ZBTB46: variants seen among roughly 807,000 people sequenced by gnomAD.
The protein encoded by ZBTB46 is zinc finger and BTB domain-containing protein 46.
A neutral mutation model predicts 44.1 loss-of-function variants in ZBTB46; 8 were observed. The ratio of observed to expected loss-of-function variants is 0.18; its 90% CI spans 0.11 to 0.33. ZBTB46 has a LOEUF of 0.33. Ranked by LOEUF, ZBTB46 falls within the 10% of genes least tolerant of loss-of-function variation. The probability of loss-of-function intolerance (pLI) is 1.00; values close to 1 mark genes in which losing one functional copy is unlikely to be tolerated. For missense variants in ZBTB46, 651 were observed against 847.7 expected (o/e 0.77, Z 2.88); for synonymous variants, 409 against 382.3 (o/e 1.07, Z -0.81).
At chr20:63,819,626 G>C (rs952253757) in intron 1 of ZBTB46, among the ~76,000 whole-genome samples, 10 of 152,210 alleles carry the variant, frequency 6.6e-5, no homozygotes, top group Non-Finnish European at 2.9e-5. Flanking sequence ...GGCCAGACCA[G>C]AGGTAAACGG....
In ZBTB46 at chr20:63,746,790, C is replaced by T. The variant is rs1247688301; in HGVS notation, c.*140G>A. ...CTGCTTAGCCCGCAGGGCTGGTTTC[C>T]GTGGGGGGTGGGTTCAGGGGGAAGC... On this transcript the variant is annotated 3_prime_UTR_variant, in exon 5 of 5. Coordinates refer to ENST00000245663, the MANE Select transcript of ZBTB46 (RefSeq NM_001369741.1). 26 of 1,324,498 alleles carry T rather than the reference C, an allele frequency of 2.0e-5. No individual in the cohort carries two copies. The highest frequency in any genetic ancestry group is 3.1e-5 in the African/African-American group (2 of 65,438). The allele number at this position is 1,324,498 out of a possible 1,614,324, so 82.0% of individuals were successfully genotyped here.
intron 4 of ZBTB46, among the ~76,000 whole-genome samples, chr20:63,749,583 G>A (rs540663390): frequency 5.3e-4 from 81 of 152,326 alleles, no homozygotes; most frequent in African/African-American, 1.6e-3. Flanking sequence ...TGATCTGCCC[G>A]CCTTGGCCTC....
At chr20:63,802,088 C>T (rs757815863) in intron 1 of ZBTB46, among the ~76,000 whole-genome samples, 2 of 152,092 alleles carry the variant, frequency 1.3e-5, no homozygotes, top group Admixed American at 1.3e-4. Flanking sequence ...AGAATTCCAC[C>T]TTATTTGGAA....
chr20:63,802,479 A>C (rs1435668701), intron 1 of ZBTB46, among the ~76,000 whole-genome samples: 2 of 151,748 alleles, frequency 1.3e-5, no homozygotes, highest in Non-Finnish European at 2.9e-5. Flanking sequence ...TACCCTTAAA[A>C]GGGGAAGAAA....
At chr20:63,778,357 A>G (rs997879833) in intron 2 of ZBTB46, among the ~76,000 whole-genome samples, 3 of 152,216 alleles carry the variant, frequency 2.0e-5, no homozygotes, top group African/African-American at 7.2e-5. Flanking sequence ...CACCCCCAGA[A>G]CACGCTGAGC....
At chr20:63,802,836 C>G (rs548358895) in intron 1 of ZBTB46, among the ~76,000 whole-genome samples, 1 of 129,082 alleles carries the variant, frequency 7.7e-6, no homozygotes, top group South Asian at 2.7e-4. Flanking sequence ...CAGGAACCGC[C>G]GCGGCCGACG....
At chr20:63,798,046 G>C (rs1013615508) in intron 1 of ZBTB46, among the ~76,000 whole-genome samples, 2 of 152,182 alleles carry the variant, frequency 1.3e-5, no homozygotes, top group African/African-American at 4.8e-5. Flanking sequence ...ATTGCTTTTG[G>C]TGTTTTAGAC....
chr20:63,804,642 C>T (rs1345635654), intron 1 of ZBTB46, among the ~76,000 whole-genome samples: 1 of 152,098 alleles, frequency 6.6e-6, no homozygotes. Context: ...GCCTGTAATC[C>T]CAGCACTTTG....
At chr20:63,777,056 ACGGTTC>A (rs2092431724) in intron 2 of ZBTB46, among the ~76,000 whole-genome samples, 1 of 43,546 alleles carries the variant, frequency 2.3e-5, no homozygotes, top group African/African-American at 6.5e-5. Context: ...ACCACACGCC[ACGGTTC>A]CAGCACACGC....
chr20:63,756,188 T>C (rs1179111597), intron 3 of ZBTB46, among the ~76,000 whole-genome samples: 1 of 152,226 alleles, frequency 6.6e-6, no homozygotes, highest in African/African-American at 2.4e-5. Flanking sequence ...CCCAGTGCGC[T>C]TTCCGCTCCA....
intron 2 of ZBTB46, among the ~76,000 whole-genome samples, chr20:63,783,159 G>A (rs1253124955): frequency 6.6e-6 from 1 of 152,096 alleles, no homozygotes; most frequent in South Asian, 2.1e-4. Flanking sequence ...GCTGGGCGTG[G>A]TGGTTCATGC....
chr20:63,801,765 A>C (rs1456954180), intron 1 of ZBTB46, among the ~76,000 whole-genome samples: 1 of 152,128 alleles, frequency 6.6e-6, no homozygotes, highest in Non-Finnish European at 1.5e-5. Flanking sequence ...ACTCACCGCG[A>C]GAGTCCATGG....
At chr20:63,815,475 TAGGTGCAGTGAGTGCAGGTGGGCAC>T (rs1375340411) in intron 1 of ZBTB46, among the ~76,000 whole-genome samples, 12 of 93,852 alleles carry the variant, frequency 1.3e-4, no homozygotes, top group Non-Finnish European at 2.3e-4. Flanking sequence ...CAGGTGGGCA[TAGGTGCAGTGAGTGCAGGTGGGCAC>T]AGGTGCAGTG....
intron 4 of ZBTB46, among the ~76,000 whole-genome samples, chr20:63,748,991 G>T (rs903942662): frequency 6.6e-6 from 1 of 152,348 alleles, no homozygotes; most frequent in Middle Eastern, 3.4e-3. Context: ...TCCTGCCTCA[G>T]TGTTCCGAAT....
chr20:63,832,365 C>A (rs1000650132), upstream of ZBTB46, among the ~76,000 whole-genome samples: 2 of 152,092 alleles, frequency 1.3e-5, no homozygotes, highest in Admixed American at 1.3e-4. This position sits in a 1 kb window ranked among gnomAD's most constrained non-coding sequence, Gnocchi z 5.0. Flanking sequence ...GGCAGCCGCG[C>A]GAGGGAGTCG....
intron 1 of ZBTB46, among the ~76,000 whole-genome samples, chr20:63,818,816 G>C: frequency 6.8e-6 from 1 of 147,638 alleles, no homozygotes; most frequent in South Asian, 2.1e-4. Flanking sequence ...AGGTTGCAGT[G>C]AGCCGAGATC....
At position 63,745,960 on chromosome 20, in the gene ZBTB46, A is replaced by T. The variant is rs1194792728; in HGVS notation, c.*970T>A. On this transcript the variant is annotated 3_prime_UTR_variant, in exon 5 of 5. Transcript: ENST00000245663. ...AAAATAATTTTATGTAACTACCTCG[A>T]TATGTCTCTGACTACTTAAAAATTT... 3.3e-5 allele frequency: 5 copies of T among 152,718 alleles called. No homozygotes were observed. The highest frequency in any genetic ancestry group is 7.3e-5 in the Non-Finnish European group (5 of 68,060). The allele number at this position is 152,718 out of a possible 1,614,324, so 9.5% of individuals were successfully genotyped here.
At chr20:63,821,413 G>A (rs992413690) in intron 1 of ZBTB46, among the ~76,000 whole-genome samples, 2 of 150,712 alleles carry the variant, frequency 1.3e-5, no homozygotes, top group Non-Finnish European at 2.9e-5. Flanking sequence ...TCAGCCTCCT[G>A]AGCAGCTGGG....
At chr20:63,797,391 C>T (rs2092611905) in intron 1 of ZBTB46, among the ~76,000 whole-genome samples, 1 of 151,756 alleles carries the variant, frequency 6.6e-6, no homozygotes. Context: ...TTTTCTTAAT[C>T]TGGTCTATCA....
Sources: allele counts gnomAD v4.1 joint callset (sites outside exome capture counted in the v4.1 genomes callset), GRCh38; gene constraint gnomAD v4.1.1; non-coding constraint Gnocchi (gnomAD v3.1); transcripts MANE v1.5; gene names NCBI Gene and HGNC (gene_info 2026-07-23, HGNC 2026-07-21).